SORCS3: variants seen among roughly 807,000 people sequenced by gnomAD.
The protein encoded by SORCS3 is VPS10 domain-containing receptor SorCS3.
Under a neutral mutation model 146.3 loss-of-function variants are expected in SORCS3, and 57 were observed. That is an observed-to-expected ratio of 0.39 (90% confidence interval 0.31 to 0.49). SORCS3 has a LOEUF of 0.49. Among genes scored for constraint, SORCS3 ranks in the 20% least tolerant of loss-of-function variants. The pLI, the probability that SORCS3 is intolerant of heterozygous loss-of-function variation, is 0.92. For missense variants in SORCS3, 1,341 were observed against 1,575.5 expected, an observed-to-expected ratio of 0.85 and a Z score of 2.52; for synonymous variants, 653 against 618.5, an observed-to-expected ratio of 1.06 and a Z score of -0.83.
chr10:104,908,041 G>A (rs916167148), intron 2 of SORCS3, among the ~76,000 whole-genome samples: 2 of 152,206 alleles, frequency 1.3e-5, no homozygotes, highest in Non-Finnish European at 2.9e-5. Flanking sequence ...TTGGTCTGGA[G>A]CTGTGCTGTG....
At chr10:104,894,950 T>C (rs1170992326) in intron 2 of SORCS3, among the ~76,000 whole-genome samples, 5 of 152,090 alleles carry the variant, frequency 3.3e-5, no homozygotes, top group African/African-American at 9.7e-5. Flanking sequence ...CTGGATAAAG[T>C]TTGGGAGTCA....
intron 1 of SORCS3, among the ~76,000 whole-genome samples, chr10:104,813,220 T>G (rs755259537): frequency 6.6e-6 from 1 of 152,216 alleles, no homozygotes. Flanking sequence ...TTCCTTTTGC[T>G]CTTCCTCAAG....
chr10:104,884,777 T>G (rs1300617261), intron 2 of SORCS3, among the ~76,000 whole-genome samples: 1 of 152,040 alleles, frequency 6.6e-6, no homozygotes, highest in Non-Finnish European at 1.5e-5. Context: ...TAGATAGCTA[T>G]TTGGGTAGAA....
At chr10:105,231,614 T>C (rs1220752544) in intron 20 of SORCS3, among the ~76,000 whole-genome samples, 1 of 152,210 alleles carries the variant, frequency 6.6e-6, no homozygotes, top group Non-Finnish European at 1.5e-5. Context: ...GGAAAGCTTC[T>C]AATTTCACAC....
intron 7 of SORCS3, among the ~76,000 whole-genome samples, chr10:105,125,466 G>A (rs2055966627): frequency 6.6e-6 from 1 of 152,078 alleles, no homozygotes; most frequent in African/African-American, 2.4e-5. Flanking sequence ...ACAATGGAGT[G>A]GAGATTTTGA....
chr10:104,891,311 A>G (rs2018746580), intron 2 of SORCS3, among the ~76,000 whole-genome samples: 1 of 152,136 alleles, frequency 6.6e-6, no homozygotes, highest in East Asian at 1.9e-4. Flanking sequence ...TTTCACATAG[A>G]TGCACTGATC....
intron 1 of SORCS3, among the ~76,000 whole-genome samples, chr10:104,643,721 T>G (rs981199557): frequency 1.3e-5 from 2 of 151,474 alleles, no homozygotes; most frequent in Non-Finnish European, 2.9e-5. Flanking sequence ...TGTGTGTGTG[T>G]GTGTGTGTGT....
chr10:105,222,363 A>G (rs1455241569), intron 19 of SORCS3, among the ~76,000 whole-genome samples: 2 of 152,030 alleles, frequency 1.3e-5, no homozygotes, highest in Non-Finnish European at 1.5e-5. Context: ...CGGCCGCATT[A>G]ACACTGTTTC....
At chr10:104,969,574 A>G (rs189615235) in intron 3 of SORCS3, among the ~76,000 whole-genome samples, 2 of 152,280 alleles carry the variant, frequency 1.3e-5, no homozygotes, top group East Asian at 3.9e-4. Context: ...CTTCTCAAAA[A>G]GTTGAATTGA....
intron 1 of SORCS3, among the ~76,000 whole-genome samples, chr10:104,731,638 A>G (rs542470704): frequency 6.6e-6 from 1 of 152,246 alleles, no homozygotes; most frequent in South Asian, 2.1e-4. Flanking sequence ...TCCTCTGTAC[A>G]TCTGGAACTT....
At chr10:104,925,974 C>A (rs752861375) in intron 3 of SORCS3, among the ~76,000 whole-genome samples, 6 of 152,160 alleles carry the variant, frequency 3.9e-5, no homozygotes, top group Non-Finnish European at 8.8e-5. Flanking sequence ...AAGAAATGAG[C>A]TACAGAAACA....
intron 6 of SORCS3, among the ~76,000 whole-genome samples, chr10:105,102,490 G>A (rs1195630021): frequency 6.6e-6 from 1 of 152,118 alleles, no homozygotes; most frequent in Non-Finnish European, 1.5e-5. Context: ...AGTACATACA[G>A]ACACAAAAAA....
chr10:105,092,319 A>G (rs996088591), intron 6 of SORCS3, among the ~76,000 whole-genome samples: 1 of 152,210 alleles, frequency 6.6e-6, no homozygotes, highest in African/African-American at 2.4e-5. Context: ...TACTTAGGTT[A>G]AAGTATAGAA....
At chr10:105,109,368 T>C (rs770749391) in intron 7 of SORCS3, among the ~76,000 whole-genome samples, 11 of 152,160 alleles carry the variant, frequency 7.2e-5, no homozygotes, top group Non-Finnish European at 1.0e-4. Flanking sequence ...CCCCAGTTTG[T>C]TGACGTCATC....
At chr10:105,199,936 C>A in intron 14 of SORCS3, 63 bp from the exon 15 acceptor site, 1 of 1,161,618 alleles carries the variant, frequency 8.6e-7, no homozygotes, top group Non-Finnish European at 1.3e-6. Context: ...AGTTTCTGTG[C>A]ATTAGTGACT....
In SORCS3 at chr10:104,641,925, A is replaced by G. The variant is rs779310979; in HGVS notation, c.598A>G (p.Met200Val). ...LTGDSAHNQA[M>V]VHWSGHNSSV... Reference sequence around the variant, plus strand: ...CGGGGACTCGGCCCACAACCAAGCCATGGTGCACTGGTCGGGACACAACAG... The same window carrying G: ...CGGGGACTCGGCCCACAACCAAGCCGTGGTGCACTGGTCGGGACACAACAG... The change falls in exon 1 of 27, where the codon ATG (methionine) becomes GTG (valine). Residue 200 changes from methionine (M) to valine (V), a missense_variant. By Grantham distance (21) the Met-to-Val change is conservative (BLOSUM62 1). Coordinates refer to ENST00000369701, the MANE Select transcript of SORCS3 (RefSeq NM_014978.3). The surrounding 1 kb of genome is among the most constrained non-coding windows in gnomAD (Gnocchi z 6.4). 6.4e-6 allele frequency: 9 copies of G among 1,409,040 alleles called. No homozygotes were observed. The highest frequency in any genetic ancestry group is 3.9e-5 in the Admixed American group (2 of 50,998). 87.3% of individuals were successfully genotyped at this position (1,409,040 alleles called of 1,614,324 possible).
chr10:105,010,435 C>G (rs1468665634), intron 4 of SORCS3, among the ~76,000 whole-genome samples: 1 of 152,222 alleles, frequency 6.6e-6, no homozygotes, highest in Non-Finnish European at 1.5e-5. Flanking sequence ...AAGACCTACT[C>G]AAATTGACAG....
intron 2 of SORCS3, among the ~76,000 whole-genome samples, chr10:104,856,638 AG>A (rs2018337358): frequency 6.8e-6 from 1 of 146,174 alleles, no homozygotes; most frequent in Non-Finnish European, 1.5e-5. Flanking sequence ...ATAAACAATT[AG>A]AGGCATATAT....
intron 1 of SORCS3, among the ~76,000 whole-genome samples, chr10:104,709,420 G>A (rs2016386389): frequency 2.0e-5 from 3 of 152,070 alleles, no homozygotes; most frequent in African/African-American, 4.8e-5. Context: ...TTTTTGATAT[G>A]TACCATCCCT....
Sources: gnomAD v4.1 joint callset for allele counts (sites outside exome capture counted in the v4.1 genomes callset) on GRCh38, gnomAD v4.1.1 for gene constraint, Gnocchi (gnomAD v3.1) non-coding constraint, MANE v1.5 for transcripts, NCBI Gene and HGNC (gene_info 2026-07-23, HGNC 2026-07-21) for gene names.